The following TANC2 variants were observed in gnomAD, a reference collection of about 807,000 sequenced individuals.
TANC2 encodes the protein tetratricopeptide repeat, ankyrin repeat and coiled-coil containing 2, also known as protein TANC2.
In TANC2, 26 loss-of-function variants were observed where a neutral mutation model predicts 210.5. That is an observed-to-expected ratio of 0.12 (90% CI 0.09 to 0.17). TANC2 has a LOEUF of 0.17. Among genes scored for constraint, TANC2 ranks in the 10% least tolerant of loss-of-function variants. The pLI, the probability that TANC2 is intolerant of heterozygous loss-of-function variation, is 1.00. For missense variants in TANC2, 2,129 were observed against 2,608.9 expected (o/e 0.82, Z 4.01); for synonymous variants, 931 against 967.1 (o/e 0.96, Z 0.69).
At chr17:63,251,968 A>C (rs1181862909) in intron 8 of TANC2, among the ~76,000 whole-genome samples, 1 of 152,234 alleles carries the variant, frequency 6.6e-6, no homozygotes, top group African/African-American at 2.4e-5. Context: ...GATTAGCTTA[A>C]CTTGTTAAAA....
intron 2 of TANC2, among the ~76,000 whole-genome samples, chr17:63,044,082 A>T (rs1316717091): frequency 2.0e-5 from 3 of 152,010 alleles, no homozygotes; most frequent in African/African-American, 7.2e-5. Flanking sequence ...TTAAGAATGA[A>T]TTTTCTTAAA....
intron 1 of TANC2, among the ~76,000 whole-genome samples, chr17:62,998,749 G>C (rs144696008): frequency 1.3e-5 from 2 of 152,332 alleles, no homozygotes; most frequent in African/African-American, 4.8e-5. Flanking sequence ...AGGTCCTCAA[G>C]GGAGTGCTAA....
At chr17:63,048,760 CAA>C (rs1444281022) in intron 2 of TANC2, among the ~76,000 whole-genome samples, 1 of 151,594 alleles carries the variant, frequency 6.6e-6, no homozygotes, top group Admixed American at 6.6e-5. Flanking sequence ...CACATGGAGA[CAA>C]AGAGGGGAAC....
intron 9 of TANC2, among the ~76,000 whole-genome samples, chr17:63,310,498 C>T (rs1218816950): frequency 1.3e-5 from 2 of 151,878 alleles, no homozygotes; most frequent in African/African-American, 4.8e-5. Flanking sequence ...ATTTTAAAGG[C>T]AAAGAACTGA....
At chr17:63,087,330 G>A (rs2037008672) in intron 3 of TANC2, among the ~76,000 whole-genome samples, 1 of 152,220 alleles carries the variant, frequency 6.6e-6, no homozygotes, top group African/African-American at 2.4e-5. Context: ...TGTGGGAAAA[G>A]GAAGCATCTA....
At chr17:63,008,791 G>A (rs2143816034) in intron 1 of TANC2, among the ~76,000 whole-genome samples, 1 of 142,252 alleles carries the variant, frequency 7.0e-6, no homozygotes, top group African/African-American at 2.6e-5. Flanking sequence ...TGGAATTCTG[G>A]CTTGACCAGT....
chr17:63,282,760 A>C (rs1488497805), intron 9 of TANC2, among the ~76,000 whole-genome samples: 1 of 151,910 alleles, frequency 6.6e-6, no homozygotes, highest in African/African-American at 2.4e-5. Flanking sequence ...TGCGCCTTTA[A>C]TTTGGATTTA....
chr17:63,314,374 C>T lies in TANC2; in HGVS notation c.1160-14C>T. 1 of 1,612,174 alleles carries T rather than the reference C, an allele frequency of 6.2e-7. No homozygotes were observed. The highest frequency in any genetic ancestry group is 8.5e-7 in the Non-Finnish European group (1 of 1,178,612). ...CAGTTTGACCTAAGTTCTGCATTCTCTTGTTCCTTTCAGTTCGCTTTGCAC... is the reference window on the plus strand; with the variant it reads ...CAGTTTGACCTAAGTTCTGCATTCTTTTGTTCCTTTCAGTTCGCTTTGCAC... On this transcript the variant is annotated splice_polypyrimidine_tract_variant and intron_variant, in intron 9 of 27. Transcript: ENST00000689528.
chr17:63,068,312 T>G lies in TANC2; in HGVS notation c.68-5631T>G, dbSNP rs183419373. 1.9e-3 allele frequency among the ~76,000 whole-genome samples: 283 copies of G among 152,220 alleles called. 1 individual carries two copies. Among genetic ancestry groups the G allele is most frequent in the African/African-American group, 6.6e-3 (273 of 41,552 alleles). On this transcript the variant is annotated intron_variant, in intron 2 of 27. Coordinates refer to ENST00000689528, the Ensembl canonical transcript of TANC2. ...AGAAATGAAAAAAACCTGAGTAGTATTCGTGAGATTGTGAGGAAATGGGAA... is the reference window on the plus strand; with the variant it reads ...AGAAATGAAAAAAACCTGAGTAGTAGTCGTGAGATTGTGAGGAAATGGGAA...
At chr17:63,369,553 C>CT (rs36014004) in intron 14 of TANC2, among the ~76,000 whole-genome samples, 9,361 of 131,194 alleles carry the variant, frequency 0.071, 384 homozygotes, top group African/African-American at 0.097. Flanking sequence ...ATAATTTCAG[C>CT]TTTTTTTTTT....
chr17:63,171,551 C>T (rs1010818729), intron 5 of TANC2, among the ~76,000 whole-genome samples: 1 of 152,122 alleles, frequency 6.6e-6, no homozygotes, highest in African/African-American at 2.4e-5. Context: ...AGCTATCATG[C>T]AAAACAACTG....
exon 28 of TANC2, chr17:63,426,185 C>G (rs1055168356): frequency 6.6e-6 from 1 of 152,358 alleles, no homozygotes; most frequent in African/African-American, 2.4e-5. Context: ...GAGGGCTGTG[C>G]GGTCCTGCTG....
chr17:63,008,400 A>G (rs1568313019), intron 1 of TANC2, among the ~76,000 whole-genome samples: 1 of 151,966 alleles, frequency 6.6e-6, no homozygotes, highest in Non-Finnish European at 1.5e-5. Context: ...TTTGGTTTGG[A>G]TATTTTCTGT....
At chr17:63,238,117 ATAAT>A (rs1242595141) in intron 8 of TANC2, 40 bp downstream of exon 8, 2 of 1,497,986 alleles carry the variant, frequency 1.3e-6, no homozygotes, top group African/African-American at 1.4e-5. Context: ...CTGTTGTTAA[ATAAT>A]CATTTTACTC....
intron 9 of TANC2, among the ~76,000 whole-genome samples, chr17:63,271,436 CTTT>C (rs58847076): frequency 2.1e-5 from 3 of 141,824 alleles, no homozygotes; most frequent in Admixed American, 7.0e-5. Context: ...AGCTCTTTTT[CTTT>C]TTTTTTTTTT....
chr17:63,149,656 C>G (rs184847282), intron 4 of TANC2: 11 of 151,758 alleles, frequency 7.2e-5, no homozygotes, highest in Non-Finnish European at 1.5e-4. Flanking sequence ...AATAAATAAA[C>G]TGTTTCATTA....
At chr17:63,337,174 A>G (rs965547750) in intron 11 of TANC2, among the ~76,000 whole-genome samples, 1 of 152,202 alleles carries the variant, frequency 6.6e-6, no homozygotes, top group Non-Finnish European at 1.5e-5. Flanking sequence ...TCTAATGAAG[A>G]TGTTGCCTGA....
chr17:63,237,892 G>A, exon 8 of TANC2: 1 of 1,568,816 alleles, frequency 6.4e-7, no homozygotes, highest in South Asian at 1.2e-5. Context: ...GGATCTGGAG[G>A]AAACATAAAA....
intron 9 of TANC2, among the ~76,000 whole-genome samples, chr17:63,308,217 GCTCTTCAGCTCCATAATCC>G (rs2044991489): frequency 6.6e-6 from 1 of 152,116 alleles, no homozygotes; most frequent in Non-Finnish European, 1.5e-5. Flanking sequence ...TAATTTTGGT[GCTCTTCAGCTCCATAATCC>G]CTTAGACTTG....
Sources: gnomAD v4.1 joint callset for allele counts (sites outside exome capture counted in the v4.1 genomes callset) on GRCh38, gnomAD v4.1.1 for gene constraint, MANE v1.5 for transcripts, NCBI Gene and HGNC (gene_info 2026-07-23, HGNC 2026-07-21) for gene names.